KAZN: variants seen among roughly 807,000 people sequenced by gnomAD.
KAZN encodes the protein kazrin, periplakin interacting protein, also known as kazrin.
KAZN carries 40 observed loss-of-function variants against 87.4 expected under a neutral mutation model. That is an observed-to-expected ratio of 0.46 (90% confidence interval 0.36 to 0.60). The LOEUF (loss-of-function observed/expected upper bound fraction) is 0.60, where lower values mean the gene tolerates loss of function less well. KAZN is among the 20% of genes least tolerant of loss of function. The pLI, the probability that KAZN is intolerant of heterozygous loss-of-function variation, is 0.00. For synonymous variants in KAZN, 466 were observed against 458.3 expected (o/e 1.02, Z -0.22); for missense variants, 898 against 1,073.9 (o/e 0.84, Z 2.29).
At chr1:14,927,098 G>C (rs568185397) in intron 1 of KAZN, among the ~76,000 whole-genome samples, 1 of 152,174 alleles carries the variant, frequency 6.6e-6, no homozygotes, top group Non-Finnish European at 1.5e-5. Flanking sequence ...CTTCTGCCTC[G>C]ATTGCGTTTT....
intron 2 of KAZN, among the ~76,000 whole-genome samples, chr1:14,325,457 C>T (rs1656343617): frequency 1.3e-5 from 2 of 152,166 alleles, no homozygotes; most frequent in Admixed American, 1.3e-4. Context: ...GACATGACCT[C>T]TGAGCATCAC....
At chr1:14,875,486 AAAAAAAAAAAAG>A (rs1652666224) in intron 1 of KAZN, among the ~76,000 whole-genome samples, 1 of 150,518 alleles carries the variant, frequency 6.6e-6, no homozygotes, top group Non-Finnish European at 1.5e-5. Context: ...ATTTATTAAA[AAAAAAAAAAAAG>A]AAAAAAGAAA....
Position 14,856,925 on chromosome 1 carries a change from G to A in KAZN, c.227-103759G>A, listed in dbSNP as rs972001116. Among the ~76,000 whole-genome samples, 1 of 152,168 alleles carries A rather than the reference G, an allele frequency of 6.6e-6. No homozygotes were observed. Among genetic ancestry groups the A allele is most frequent in the African/African-American group, 2.4e-5 (1 of 41,442 alleles). ...GCAGAGGAAGCTAAAAGATGCTTTG[G>A]AAACTATCTTCATCCACACATAGGG... On this transcript the variant is annotated intron_variant, in intron 1 of 14. Transcript: ENST00000376030. This position sits in a 1 kb window ranked among gnomAD's most constrained non-coding sequence, Gnocchi z 5.2.
intron 2 of KAZN, among the ~76,000 whole-genome samples, chr1:14,202,354 G>T (rs1418979330): frequency 6.6e-6 from 1 of 152,202 alleles, no homozygotes; most frequent in African/African-American, 2.4e-5. Context: ...TTTTAGGGAA[G>T]GCATTCTAAA....
At chr1:14,243,230 G>C (rs972591122) in intron 2 of KAZN, among the ~76,000 whole-genome samples, 6 of 152,072 alleles carry the variant, frequency 3.9e-5, no homozygotes, top group African/African-American at 1.4e-4. Context: ...TCTTTTCTTT[G>C]AGAGCAAATT....
chr1:13,996,324 C>G (rs138764954), intron 1 of KAZN, among the ~76,000 whole-genome samples: 1 of 152,116 alleles, frequency 6.6e-6, no homozygotes, highest in Admixed American at 6.5e-5. Flanking sequence ...ATGGAGCTCC[C>G]GGGGAGGGAG....
At chr1:13,956,552 T>G (rs377431597) in intron 1 of KAZN, among the ~76,000 whole-genome samples, 40 of 152,276 alleles carry the variant, frequency 2.6e-4, no homozygotes, top group East Asian at 2.5e-3. Flanking sequence ...ATACGATTAT[T>G]CTTTTCTTTC....
At chr1:14,454,131 T>C (rs1349256299) in intron 2 of KAZN, among the ~76,000 whole-genome samples, 2 of 152,196 alleles carry the variant, frequency 1.3e-5, no homozygotes, top group African/African-American at 4.8e-5. Context: ...AATTTTGGAT[T>C]AATTTTCTCT....
intron 2 of KAZN, among the ~76,000 whole-genome samples, chr1:14,255,438 A>G (rs1435725093): frequency 6.6e-6 from 1 of 152,178 alleles, no homozygotes; most frequent in Non-Finnish European, 1.5e-5. Flanking sequence ...TTATGTGTGT[A>G]GTCAAATATA....
At chr1:14,018,480 C>T (rs1640673074) in intron 1 of KAZN, among the ~76,000 whole-genome samples, 1 of 152,100 alleles carries the variant, frequency 6.6e-6, no homozygotes, top group Admixed American at 6.6e-5. Flanking sequence ...TGATAATTTG[C>T]ACATGTGATG....
chr1:14,991,854 G>A (rs925428104), intron 2 of KAZN, among the ~76,000 whole-genome samples: 1 of 152,194 alleles, frequency 6.6e-6, no homozygotes, highest in Non-Finnish European at 1.5e-5. Context: ...CTGACTTCTG[G>A]AGAGAGACAG....
At chr1:14,198,994 A>G (rs1223729618) in intron 2 of KAZN, among the ~76,000 whole-genome samples, 1 of 152,176 alleles carries the variant, frequency 6.6e-6, no homozygotes, top group Non-Finnish European at 1.5e-5. Context: ...ATAAAAAAGA[A>G]TGGAGGAGTG....
Position 15,063,611 on chromosome 1 carries a change from C to A in KAZN, c.1087C>A (p.Pro363Thr), listed in dbSNP as rs903330901. The change falls in exon 7 of 15, where the codon CCT becomes ACT. Residue 363 changes from proline (P) to threonine (T), a missense_variant. Pro to Thr is a conservative substitution (Grantham distance 38). This residue lies in a region of KAZN where 521 missense variants were observed against 689.4 expected (regional missense o/e 0.76). Transcript: ENST00000376030. ...PGPVQKNLHN[P>T]IVQSLEDLED... Reference sequence around the variant, plus strand: ...CCCAGTTCAGAAGAACCTGCACAACCCTATTGTACAGGTAGGTGTGCCCTC... The same window carrying A: ...CCCAGTTCAGAAGAACCTGCACAACACTATTGTACAGGTAGGTGTGCCCTC... The A allele has an allele frequency of 6.2e-7, 1 of 1,613,626 alleles. No individual in the cohort carries two copies. Among genetic ancestry groups the A allele is most frequent in the Non-Finnish European group, 8.5e-7 (1 of 1,179,494 alleles).
At chr1:15,020,228 T>C (rs990818577) in intron 2 of KAZN, among the ~76,000 whole-genome samples, 2 of 152,228 alleles carry the variant, frequency 1.3e-5, no homozygotes, top group African/African-American at 4.8e-5. Flanking sequence ...CCGAGGGCAT[T>C]GCATATACAA....
At chr1:14,416,215 T>A (rs1162661378) in intron 2 of KAZN, among the ~76,000 whole-genome samples, 1 of 152,190 alleles carries the variant, frequency 6.6e-6, no homozygotes, top group Non-Finnish European at 1.5e-5. Flanking sequence ...CACCCCCTGA[T>A]TATGTGTCAC....
At chr1:14,050,155 T>A (rs921963735) in intron 1 of KAZN, among the ~76,000 whole-genome samples, 1 of 143,968 alleles carries the variant, frequency 6.9e-6, no homozygotes, top group Admixed American at 6.9e-5. Flanking sequence ...TGGGTATGCT[T>A]GTGCGCGTGT....
At chr1:14,286,108 G>T (rs1653230992) in intron 2 of KAZN, among the ~76,000 whole-genome samples, 2 of 152,202 alleles carry the variant, frequency 1.3e-5, no homozygotes. Context: ...ACCACACACT[G>T]CGTGGCTTGA....
intron 1 of KAZN, among the ~76,000 whole-genome samples, chr1:14,824,282 G>C (rs1646820027): frequency 1.3e-5 from 2 of 152,152 alleles, no homozygotes; most frequent in African/African-American, 4.8e-5. Context: ...AAGAGAGCTA[G>C]AAAGGGATAG....
chr1:14,415,851 TG>T (rs765439888), intron 2 of KAZN, among the ~76,000 whole-genome samples: 4 of 152,050 alleles, frequency 2.6e-5, no homozygotes, highest in Admixed American at 6.5e-5. Flanking sequence ...GATCAGCTTC[TG>T]GAAAAAATGT....
Sources: gnomAD v4.1 joint callset for allele counts (sites outside exome capture counted in the v4.1 genomes callset) on GRCh38, gnomAD v4.1.1 for gene constraint, gnomAD v4.1.1 regional missense constraint, Gnocchi (gnomAD v3.1) non-coding constraint, MANE v1.5 for transcripts, NCBI Gene and HGNC (gene_info 2026-07-23, HGNC 2026-07-21) for gene names.